PTGER3: variants seen among roughly 807,000 people sequenced by gnomAD.
PTGER3 encodes the protein prostaglandin E receptor 3.
PTGER3 carries 22 observed loss-of-function variants against 34.7 expected under a neutral mutation model. The observed-to-expected ratio is 0.63, with a 90% CI of 0.45 to 0.91. The LOEUF (loss-of-function observed/expected upper bound fraction) is 0.91, where lower values mean the gene tolerates loss of function less well. PTGER3 is among the 40% of genes least tolerant of loss of function. The pLI is 0.00. For missense variants in PTGER3, 468 were observed against 519.4 expected (o/e 0.90, Z 0.96); for synonymous variants, 241 against 230.1 (o/e 1.05, Z -0.43).
chr1:71,034,787 C>A (rs1430207485), intron 1 of PTGER3, among the ~76,000 whole-genome samples: 4 of 152,114 alleles, frequency 2.6e-5, no homozygotes, highest in Non-Finnish European at 5.9e-5. Context: ...GAAACATGGA[C>A]AAATGAATTC....
At chr1:70,869,440 C>G in intron 4 of PTGER3, 1 of 343,526 alleles carries the variant, frequency 2.9e-6, no homozygotes, top group Admixed American at 3.8e-5. Context: ...GAAATACAGT[C>G]ATGACTTCTC....
At chr1:70,924,156 T>A (rs1647824132) in intron 4 of PTGER3, among the ~76,000 whole-genome samples, 1 of 152,110 alleles carries the variant, frequency 6.6e-6, no homozygotes, top group Admixed American at 6.6e-5. Context: ...ATGGTAGGGC[T>A]TGGCTTAAAA....
At chr1:70,867,089 C>A (rs1646058389) in intron 4 of PTGER3, among the ~76,000 whole-genome samples, 1 of 152,190 alleles carries the variant, frequency 6.6e-6, no homozygotes, top group Non-Finnish European at 1.5e-5. Context: ...ATACAAAATT[C>A]TCTGCTGTTT....
At position 70,971,023 on chromosome 1, in the gene PTGER3, A is replaced by G; in HGVS notation, c.*707T>C. On this transcript the variant is annotated 3_prime_UTR_variant, in exon 4 of 4. Coordinates refer to ENST00000306666, the MANE Select transcript of PTGER3 (RefSeq NM_198719.2). ...TCATTCAACCTCAAATTTGTTTTTT[A>G]TGACACTCCAAGGATGCCCTTAGCT... is the stretch of plus-strand genomic sequence containing the variant. 1.0e-6 allele frequency: 1 copy of G among 985,326 alleles called. No homozygotes were observed. Among genetic ancestry groups the G allele is most frequent in the Non-Finnish European group, 1.2e-6 (1 of 829,908 alleles). The allele number at this position is 985,326 out of a possible 1,614,324, so 61.0% of individuals were successfully genotyped here.
chr1:70,973,859 A>G (rs943443903), intron 3 of PTGER3, among the ~76,000 whole-genome samples: 1 of 152,192 alleles, frequency 6.6e-6, no homozygotes, highest in Non-Finnish European at 1.5e-5. Context: ...TAGAGTACTC[A>G]TTCATTGAAG....
intron 1 of PTGER3, among the ~76,000 whole-genome samples, chr1:71,034,416 A>G (rs9425054): frequency 0.21 from 32,524 of 152,076 alleles, 4,336 homozygotes; most frequent in African/African-American, 0.37. Flanking sequence ...TATGTTTGCC[A>G]TATTTACCAA....
rs138506184 is a variant in PTGER3 at position 70,929,144 on chromosome 1, A to T, written c.*23+24619T>A. 2.6e-3 allele frequency among the ~76,000 whole-genome samples: 402 copies of T among 152,290 alleles called. 3 individuals carry two copies. The highest frequency in any genetic ancestry group is 9.4e-3 in the African/African-American group (392 of 41,572). On this transcript the variant is annotated intron_variant, in intron 4 of 4. Transcript: ENST00000370931. ...ATGACTTCTGTGGCATTTTTAAATG[A>T]CTAATCCAAAGTTATGAAATAAAAT...
rs114345746 is a variant in PTGER3 at position 70,901,908 on chromosome 1, A to G, written c.*24-49049T>C. ...AACCAGTTTATTAAACTTCAAAAATATCAGCCTAAATCAAAGCTCAGGGCA... is the reference window on the plus strand; with the variant it reads ...AACCAGTTTATTAAACTTCAAAAATGTCAGCCTAAATCAAAGCTCAGGGCA... On this transcript the variant is annotated intron_variant, in intron 4 of 4. Transcript: ENST00000370931. Among the ~76,000 whole-genome samples, 629 of 152,308 alleles carry G rather than the reference A, an allele frequency of 4.1e-3. 4 individuals carry two copies. Among genetic ancestry groups the G allele is most frequent in the African/African-American group, 0.014 (601 of 41,576 alleles).
At chr1:70,921,165 CA>C (rs1323320467) in intron 4 of PTGER3, among the ~76,000 whole-genome samples, 1 of 151,800 alleles carries the variant, frequency 6.6e-6, no homozygotes, top group African/African-American at 2.4e-5. Flanking sequence ...TGAGTACCAG[CA>C]ATTAAAAAAA....
intron 1 of PTGER3, among the ~76,000 whole-genome samples, chr1:71,034,791 T>C (rs1659685990): frequency 6.6e-6 from 1 of 152,178 alleles, no homozygotes; most frequent in Non-Finnish European, 1.5e-5. Flanking sequence ...CATGGACAAA[T>C]GAATTCTAAA....
chr1:70,908,810 C>T (rs1443487597), intron 4 of PTGER3, among the ~76,000 whole-genome samples: 3 of 152,164 alleles, frequency 2.0e-5, no homozygotes, highest in African/African-American at 7.2e-5. Flanking sequence ...ATCATTAAGT[C>T]CTTACTATAT....
At chr1:71,003,737 G>T (rs1656691948) in intron 2 of PTGER3, among the ~76,000 whole-genome samples, 1 of 152,094 alleles carries the variant, frequency 6.6e-6, no homozygotes, top group Admixed American at 6.5e-5. Flanking sequence ...AAGGAATTTT[G>T]GCATTCACTG....
intron 2 of PTGER3, among the ~76,000 whole-genome samples, chr1:70,999,339 T>G (rs1656270732): frequency 6.6e-6 from 1 of 152,210 alleles, no homozygotes; most frequent in African/African-American, 2.4e-5. Flanking sequence ...CTAATCAGTC[T>G]GATCAGTTCT....
chr1:70,904,287 G>A (rs1247085066), intron 4 of PTGER3, among the ~76,000 whole-genome samples: 1 of 152,126 alleles, frequency 6.6e-6, no homozygotes, highest in Non-Finnish European at 1.5e-5. Context: ...GTCTTTATCA[G>A]TAGTGTGAAA....
chr1:70,853,058 A>T (rs1440982361), intron 4 of PTGER3, among the ~76,000 whole-genome samples: 1 of 152,220 alleles, frequency 6.6e-6, no homozygotes, highest in Non-Finnish European at 1.5e-5. Context: ...GGGACAACCT[A>T]TGTATGCCAC....
intron 4 of PTGER3, among the ~76,000 whole-genome samples, chr1:70,862,068 C>G (rs1032334868): frequency 4.0e-5 from 6 of 151,724 alleles, no homozygotes; most frequent in African/African-American, 1.5e-4. Flanking sequence ...TGTGAAAGCC[C>G]CATTAATCTG....
chr1:71,042,866 G>A (rs1447818872), intron 1 of PTGER3, among the ~76,000 whole-genome samples: 5 of 152,228 alleles, frequency 3.3e-5, no homozygotes, highest in Middle Eastern at 3.4e-3. Context: ...GGAATTCAGT[G>A]GTTCAAGATT....
chr1:70,945,779 A>G (rs1650172786), intron 4 of PTGER3, among the ~76,000 whole-genome samples: 3 of 152,092 alleles, frequency 2.0e-5, no homozygotes, highest in Non-Finnish European at 2.9e-5. Flanking sequence ...AATTGAAAGC[A>G]TATTTCTTAT....
In PTGER3 at chr1:71,047,436, C is replaced by T. The variant is rs1376170820; in HGVS notation, c.142G>A (p.Gly48Arg). The change falls in exon 1 of 4, where the codon GGA becomes AGA. Residue 48 changes from glycine to arginine, a missense_variant. Around this residue, in one of 5 missense-constraint regions of PTGER3, gnomAD observed 151 missense variants for 133.5 expected, o/e 1.13. Coordinates refer to ENST00000306666, the MANE Select transcript of PTGER3 (RefSeq NM_198719.2). ...TRPPGSGEDC[G>R]SVSVAFPITM... is the part of the protein sequence containing the mutation. The stretch of plus-strand genomic sequence containing the variant: ...ATCGGGAAGGCCACGGACACCGATC[C>T]GCAATCCTCGCCAGACCCTGGAGGG... 3 of 1,611,170 alleles carry T rather than the reference C, an allele frequency of 1.9e-6. No individual in the cohort carries two copies. Among genetic ancestry groups the T allele is most frequent in the South Asian group, 1.1e-5 (1 of 90,366 alleles).
Sources: allele counts gnomAD v4.1 joint callset (sites outside exome capture counted in the v4.1 genomes callset), GRCh38; gene constraint gnomAD v4.1.1; regional missense constraint gnomAD v4.1.1; transcripts MANE v1.5; gene names NCBI Gene and HGNC (gene_info 2026-07-23, HGNC 2026-07-21).